Variants in RPS6KA3 observed in about 807,000 individuals in gnomAD.
RPS6KA3 encodes ribosomal protein S6 kinase alpha-3.
A neutral mutation model predicts 67.2 loss-of-function variants in RPS6KA3; 4 were observed. The ratio of observed to expected loss-of-function variants is 0.06; its 90% confidence interval spans 0.03 to 0.14. RPS6KA3 has a LOEUF of 0.14. RPS6KA3 is among the 10% of genes least tolerant of loss of function. The pLI is 1.00. For synonymous variants in RPS6KA3, 182 were observed against 183.7 expected (o/e 0.99, Z 0.07); for missense variants, 204 against 559.0 (o/e 0.36, Z 6.40).
chrX:20,204,593 C>T (rs760672917), intron 3 of RPS6KA3, among the ~76,000 whole-genome samples: 1 of 111,945 alleles, frequency 8.9e-6, no homozygotes, highest in Non-Finnish European at 1.9e-5. Context: ...CACTGCTCAG[C>T]GGAACAATTT....
At chrX:20,189,119 T>C (rs1320985007) in intron 7 of RPS6KA3, among the ~76,000 whole-genome samples, 2 of 111,365 alleles carry the variant, frequency 1.8e-5, no homozygotes, top group Non-Finnish European at 3.8e-5. Context: ...TCAATCATTG[T>C]TTCCTTATTT....
chrX:20,211,368 G>A (rs2068709365), intron 2 of RPS6KA3, among the ~76,000 whole-genome samples: 1 of 110,595 alleles, frequency 9.0e-6, no homozygotes, highest in Non-Finnish European at 1.9e-5. Context: ...GGTAGACTTA[G>A]GGCTCAATTC....
rs368985338 is a variant in RPS6KA3 at position 20,180,833 on chromosome X, G to T, written c.846-3749C>A. 8.0e-5 allele frequency among the ~76,000 whole-genome samples: 9 copies of T among 112,276 alleles called. No individual in the cohort carries two copies. The East Asian group carries it at 8.4e-4, about 10-fold the overall frequency. ...TTTTTGTTTCAGATATTGAGAGGGG[G>T]TCTCATTCTTTGACAAGATAAATCC... On this transcript the variant is annotated intron_variant, in intron 10 of 21. Transcript: ENST00000379565.
chrX:20,263,295 A>C lies in RPS6KA3; in HGVS notation c.69+3269T>G, dbSNP rs753753591. On this transcript the variant is annotated intron_variant, in intron 1 of 21. Transcript: ENST00000379565. ...AATGCTGTCTCTGACAGCACTGGCA[A>C]AGAATTTGTACAACAGAAGAGCCAT... 2.7e-5 allele frequency among the ~76,000 whole-genome samples: 3 copies of C among 112,228 alleles called. No individual in the cohort carries two copies. In the East Asian group the frequency reaches 8.3e-4, roughly 31 times the overall value.
chrX:20,225,497 G>C (rs1326904638), intron 2 of RPS6KA3, among the ~76,000 whole-genome samples: 1 of 111,016 alleles, frequency 9.0e-6, no homozygotes, highest in Admixed American at 9.6e-5. Context: ...CCCAAGCTCT[G>C]AGTACTCAAA....
At chrX:20,249,459 T>C (rs1874986090) in intron 1 of RPS6KA3, among the ~76,000 whole-genome samples, 1 of 112,280 alleles carries the variant, frequency 8.9e-6, no homozygotes, top group South Asian at 3.7e-4. Flanking sequence ...GTTTGCATCC[T>C]CGCCATTTAT....
intron 15 of RPS6KA3, chrX:20,169,729 T>C (rs2067526287): frequency 2.5e-6 from 1 of 392,293 alleles, no homozygotes; most frequent in Admixed American, 3.8e-5. Context: ...CTCTCCAATC[T>C]AAGTTTGTAA....
At chrX:20,206,832 A>G (rs1173480833) in intron 3 of RPS6KA3, among the ~76,000 whole-genome samples, 1 of 111,459 alleles carries the variant, frequency 9.0e-6, no homozygotes, top group Non-Finnish European at 1.9e-5. Flanking sequence ...TTCAGGCAGA[A>G]GGAATAAAAT....
intron 2 of RPS6KA3, among the ~76,000 whole-genome samples, chrX:20,228,237 G>C (rs2069171545): frequency 8.9e-6 from 1 of 111,754 alleles, no homozygotes; most frequent in African/African-American, 3.3e-5. Context: ...GTGATATTTG[G>C]CTTTCCATAA....
intron 1 of RPS6KA3, among the ~76,000 whole-genome samples, 172 bp from the exon 2 acceptor site, chrX:20,234,986 G>C (rs1214984617): frequency 9.0e-6 from 1 of 111,545 alleles, no homozygotes; most frequent in Non-Finnish European, 1.9e-5. Flanking sequence ...AACAGGATGT[G>C]CTTCAAAAGT....
intron 8 of RPS6KA3, 73 bp downstream of exon 8, chrX:20,188,424 C>T: frequency 1.7e-6 from 1 of 592,254 alleles, no homozygotes; most frequent in Non-Finnish European, 2.8e-6. Flanking sequence ...AATATTTGTA[C>T]CACAATCAAC....
Position 20,238,139 on chromosome X carries a change from A to C in RPS6KA3, c.70-3325T>G, listed in dbSNP as rs1445440988. Among the ~76,000 whole-genome samples the C allele has an allele frequency of 2.7e-5, 3 of 111,351 alleles. No homozygotes were observed. In the Admixed American group the frequency reaches 2.9e-4, roughly 11 times the overall value. ...CAAACATTTCTTTAAGACAGATAAGACTCATCACCATCTTCTTCTCTGAAC... is the reference window on the plus strand; with the variant it reads ...CAAACATTTCTTTAAGACAGATAAGCCTCATCACCATCTTCTTCTCTGAAC... On this transcript the variant is annotated intron_variant, in intron 1 of 21. Coordinates refer to ENST00000379565, the MANE Select transcript of RPS6KA3 (RefSeq NM_004586.3).
intron 19 of RPS6KA3, 84 bp from the exon 20 acceptor site, chrX:20,161,845 G>A: frequency 3.9e-6 from 1 of 254,885 alleles, no homozygotes; most frequent in Non-Finnish European, 6.2e-6. Flanking sequence ...TTCAGTTAAT[G>A]TAATATTTTA....
chrX:20,236,778 T>G (rs1444827771), intron 1 of RPS6KA3, among the ~76,000 whole-genome samples: 4 of 111,827 alleles, frequency 3.6e-5, no homozygotes, highest in African/African-American at 1.3e-4. Flanking sequence ...TCAAAGGCTA[T>G]AACACTGCCC....
At chrX:20,223,753 T>C (rs957718083) in intron 2 of RPS6KA3, among the ~76,000 whole-genome samples, 2 of 112,067 alleles carry the variant, frequency 1.8e-5, no homozygotes, top group African/African-American at 3.2e-5. Context: ...TATCATTTTA[T>C]CTGTAAATAT....
intron 15 of RPS6KA3, among the ~76,000 whole-genome samples, chrX:20,172,039 A>T (rs2067586564): frequency 8.9e-6 from 1 of 111,997 alleles, no homozygotes; most frequent in South Asian, 3.7e-4. Context: ...ATAACAACTA[A>T]TGTCACTATC....
At chrX:20,184,561 A>C (rs756646055) in intron 10 of RPS6KA3, among the ~76,000 whole-genome samples, 1 of 108,332 alleles carries the variant, frequency 9.2e-6, no homozygotes, top group East Asian at 2.9e-4. Context: ...ACGTGCCACC[A>C]CATCTGGCTA....
chrX:20,230,163 T>C (rs866598146), intron 2 of RPS6KA3, among the ~76,000 whole-genome samples: 13 of 112,320 alleles, frequency 1.2e-4, no homozygotes, highest in South Asian at 3.7e-4. Flanking sequence ...AATCCATTCA[T>C]TCATTTAATT....
At chrX:20,253,404 G>T (rs1297319965) in intron 1 of RPS6KA3, among the ~76,000 whole-genome samples, 1 of 111,125 alleles carries the variant, frequency 9.0e-6, no homozygotes, top group Non-Finnish European at 1.9e-5. Flanking sequence ...CTAGTTTGGA[G>T]GCTTTCATAG....
Sources: allele counts gnomAD v4.1 joint callset (sites outside exome capture counted in the v4.1 genomes callset), GRCh38; gene constraint gnomAD v4.1.1; transcripts MANE v1.5; gene names NCBI Gene and HGNC (gene_info 2026-07-23, HGNC 2026-07-21).